Variants in AP4E1 observed in about 807,000 individuals in gnomAD.
The protein encoded by AP4E1 is AP-4 complex subunit epsilon-1.
AP4E1 carries 56 observed loss-of-function variants against 128.2 expected under a neutral mutation model. That is an observed-to-expected ratio of 0.44 (90% CI 0.35 to 0.55). The LOEUF (loss-of-function observed/expected upper bound fraction) is 0.55, where lower values mean the gene tolerates loss of function less well. AP4E1 is among the 20% of genes least tolerant of loss of function. The pLI, the probability that AP4E1 is intolerant of heterozygous loss-of-function variation, is 0.00. For missense variants in AP4E1, 1,324 were observed against 1,307.7 expected, an observed-to-expected ratio of 1.01 and a Z score of -0.19; for synonymous variants, 484 against 473.1, an observed-to-expected ratio of 1.02 and a Z score of -0.30.
intron 7 of AP4E1, among the ~76,000 whole-genome samples, chr15:50,931,388 A>T (rs747620046): frequency 3.3e-5 from 5 of 152,094 alleles, no homozygotes; most frequent in African/African-American, 4.8e-5. Context: ...CAACATTGTG[A>T]AACCCCGTCT....
intron 3 of AP4E1, among the ~76,000 whole-genome samples, chr15:50,921,248 C>A (rs1256890333): frequency 2.0e-5 from 3 of 152,194 alleles, no homozygotes; most frequent in Admixed American, 1.3e-4. Flanking sequence ...CCTTGGCCCC[C>A]CAACGTGCTG....
intron 2 of AP4E1, among the ~76,000 whole-genome samples, chr15:50,914,675 T>C (rs1212454792): frequency 6.6e-6 from 1 of 151,134 alleles, no homozygotes; most frequent in Non-Finnish European, 1.5e-5. Context: ...AAAAAAAGTC[T>C]GTGAGCTTTT....
At chr15:50,982,573 G>C (rs1283051021) in intron 15 of AP4E1, among the ~76,000 whole-genome samples, 2 of 152,160 alleles carry the variant, frequency 1.3e-5, no homozygotes, top group Non-Finnish European at 2.9e-5. Flanking sequence ...TCAGCATTTG[G>C]AAACTGTTGA....
At chr15:50,984,770 G>A (rs1434382832) in intron 16 of AP4E1, among the ~76,000 whole-genome samples, 60 of 152,184 alleles carry the variant, frequency 3.9e-4, no homozygotes, top group Non-Finnish European at 7.1e-4. Flanking sequence ...GTAAACATAC[G>A]TGTGCATGTG....
At chr15:50,944,586 TAA>T (rs33961860) in intron 10 of AP4E1, 1,221 of 210,930 alleles carry the variant, frequency 5.8e-3, no homozygotes, top group East Asian at 0.011. Flanking sequence ...CTAAAACAGT[TAA>T]AAAAAAAAAA....
At chr15:50,969,059 A>G (rs2064439292) in intron 15 of AP4E1, among the ~76,000 whole-genome samples, 1 of 151,476 alleles carries the variant, frequency 6.6e-6, no homozygotes, top group Non-Finnish European at 1.5e-5. Context: ...GGTTTGTTAC[A>G]TAGGTAAACT....
chr15:50,984,823 A>C (rs956453866), intron 16 of AP4E1, among the ~76,000 whole-genome samples: 1 of 152,160 alleles, frequency 6.6e-6, no homozygotes, highest in African/African-American at 2.4e-5. Context: ...GTATATACCC[A>C]GTAATGGGAT....
chr15:50,958,420 T>C (rs754904421), intron 13 of AP4E1, 72 bp from the exon 14 acceptor site: 12 of 1,298,262 alleles, frequency 9.2e-6, no homozygotes, highest in Non-Finnish European at 1.3e-5. Flanking sequence ...GTAGGTACTT[T>C]GTTTAGATTT....
intron 17 of AP4E1, among the ~76,000 whole-genome samples, chr15:50,995,030 G>A (rs1004795504): frequency 2.0e-5 from 3 of 152,164 alleles, no homozygotes; most frequent in African/African-American, 4.8e-5. Flanking sequence ...AAGGAATTGT[G>A]TTGTAACTTA....
At chr15:50,963,172 A>G (rs771663323) in intron 14 of AP4E1, among the ~76,000 whole-genome samples, 3 of 151,022 alleles carry the variant, frequency 2.0e-5, no homozygotes, top group Non-Finnish European at 1.5e-5. Context: ...GCCATTATAG[A>G]AAACAGCACA....
At chr15:50,939,973 C>T (rs922145392) in intron 8 of AP4E1, among the ~76,000 whole-genome samples, 2 of 152,148 alleles carry the variant, frequency 1.3e-5, no homozygotes, top group Non-Finnish European at 2.9e-5. Context: ...TTGTTTTTTA[C>T]AGCCTTTTAA....
intron 15 of AP4E1, among the ~76,000 whole-genome samples, chr15:50,980,702 G>A (rs1368805402): frequency 6.6e-6 from 1 of 152,140 alleles, no homozygotes; most frequent in Non-Finnish European, 1.5e-5. Context: ...GGGATGACCA[G>A]CGTACCCTTC....
intron 15 of AP4E1, among the ~76,000 whole-genome samples, chr15:50,974,050 C>G (rs2064518797): frequency 2.6e-5 from 4 of 151,792 alleles, no homozygotes; most frequent in Non-Finnish European, 5.9e-5. Flanking sequence ...ACTGCAACCT[C>G]TGCCTCCTGG....
intron 16 of AP4E1, among the ~76,000 whole-genome samples, chr15:50,991,873 C>T (rs1286182159): frequency 6.6e-6 from 1 of 151,342 alleles, no homozygotes; most frequent in Non-Finnish European, 1.5e-5. Flanking sequence ...ATGATCAACT[C>T]ATCTTGTAGT....
intron 16 of AP4E1, among the ~76,000 whole-genome samples, chr15:50,990,672 GCA>G (rs2064794007): frequency 6.6e-6 from 1 of 152,106 alleles, no homozygotes; most frequent in Non-Finnish European, 1.5e-5. Flanking sequence ...GTGAGCTACT[GCA>G]CCTGGCCATA....
rs569014544 is a variant in AP4E1 at position 50,945,701 on chromosome 15, T to C, written c.1177-2319T>C. The C allele has an allele frequency of 4.3e-5, 34 of 786,004 alleles. No homozygotes were observed. The African/African-American group carries it at 5.2e-4, about 12-fold the overall frequency. The allele number at this position is 786,004 out of a possible 1,614,324, so 48.7% of individuals were successfully genotyped here. On this transcript the variant is annotated intron_variant, in intron 10 of 20. Transcript: ENST00000261842. ...TATATTATGTGTGGATCTGATGAAA[T>C]GAACATTTGCCTGTGGAAAGCTAAT... is the stretch of plus-strand genomic sequence containing the variant.
At chr15:50,943,310 T>C (rs1277515750) in intron 10 of AP4E1, among the ~76,000 whole-genome samples, 1 of 152,280 alleles carries the variant, frequency 6.6e-6, no homozygotes, top group East Asian at 1.9e-4. Flanking sequence ...GGAGAGTTTA[T>C]TGAGAGAACA....
Position 50,915,484 on chromosome 15 carries a change from T to C in AP4E1, c.259T>C (p.Cys87Arg). 1 of 1,613,488 alleles carries C rather than the reference T, an allele frequency of 6.2e-7. No individual in the cohort carries two copies. The highest frequency in any genetic ancestry group is 8.5e-7 in the Non-Finnish European group (1 of 1,179,606). ...MKECMVRLIYCEMLGYDASFG... is the reference protein window; with the variant it reads ...MKECMVRLIYREMLGYDASFG... Reference sequence around the variant, plus strand: ...GGAATGTATGGTGAGACTTATATATTGTGAAATGCTTGGATATGATGCTTC... The same window carrying C: ...GGAATGTATGGTGAGACTTATATATCGTGAAATGCTTGGATATGATGCTTC... The change falls in exon 3 of 21, where the codon TGT becomes CGT. Residue 87 changes from cysteine to arginine, a missense_variant. Cys to Arg is a radical substitution (Grantham distance 180). Coordinates refer to ENST00000261842, the MANE Select transcript of AP4E1 (RefSeq NM_007347.5).
chr15:50,920,572 A>G (rs997806636), intron 3 of AP4E1, among the ~76,000 whole-genome samples: 3 of 144,812 alleles, frequency 2.1e-5, no homozygotes, highest in Admixed American at 1.4e-4. Context: ...GTGCCTGGCT[A>G]ATTTTTTGGT....
Sources: gnomAD v4.1 joint callset for allele counts (sites outside exome capture counted in the v4.1 genomes callset) on GRCh38, gnomAD v4.1.1 for gene constraint, MANE v1.5 for transcripts, NCBI Gene and HGNC (gene_info 2026-07-23, HGNC 2026-07-21) for gene names.